Variants in ATG5 observed in about 807,000 individuals in gnomAD.
ATG5 encodes the protein autophagy related 5, also known as autophagy protein 5.
In ATG5, 14 loss-of-function variants were observed where a neutral mutation model predicts 36.5. That is an observed-to-expected ratio of 0.38 (90% CI 0.25 to 0.60). ATG5 has a LOEUF of 0.60. Among genes scored for constraint, ATG5 ranks in the 20% least tolerant of loss-of-function variants. ATG5 has a pLI of 0.60. For missense variants in ATG5, 195 were observed against 326.7 expected (o/e 0.60, Z 3.11); for synonymous variants, 95 against 101.5 (o/e 0.94, Z 0.38).
At chr6:106,284,121 A>G (rs1258068101) in intron 4 of ATG5, among the ~76,000 whole-genome samples, 1 of 152,206 alleles carries the variant, frequency 6.6e-6, no homozygotes, top group Admixed American at 6.5e-5. Context: ...ACATTCATGT[A>G]TAAGCTTTTG....
At chr6:106,246,377 C>G (rs879700314) in intron 6 of ATG5, among the ~76,000 whole-genome samples, 29 of 90,204 alleles carry the variant, frequency 3.2e-4, no homozygotes, top group South Asian at 7.3e-4. Flanking sequence ...CTCTGTCTCT[C>G]TCTCTCTCTC....
At chr6:106,189,646 T>TAAAA (rs10688186) in intron 7 of ATG5, among the ~76,000 whole-genome samples, 4 of 143,362 alleles carry the variant, frequency 2.8e-5, no homozygotes, top group Admixed American at 6.9e-5. Flanking sequence ...AATAAAACAG[T>TAAAA]AAAAAAAAAA....
intron 6 of ATG5, among the ~76,000 whole-genome samples, chr6:106,212,411 C>T (rs190685050): frequency 6.6e-6 from 1 of 152,162 alleles, no homozygotes; most frequent in South Asian, 2.1e-4. Context: ...GAGGCCAAGG[C>T]GGGCGGATCA....
At chr6:106,200,845 C>T (rs2114352331) in intron 7 of ATG5, among the ~76,000 whole-genome samples, 1 of 152,068 alleles carries the variant, frequency 6.6e-6, no homozygotes, top group East Asian at 1.9e-4. Context: ...GTTTAGTAAG[C>T]ATTAATAGGG....
intron 5 of ATG5, among the ~76,000 whole-genome samples, chr6:106,269,877 C>A (rs1290587638): frequency 1.3e-5 from 2 of 152,244 alleles, no homozygotes; most frequent in South Asian, 2.1e-4. Flanking sequence ...GGCTGAAGGG[C>A]TCAAGTGCCC....
intron 4 of ATG5, among the ~76,000 whole-genome samples, chr6:106,281,023 C>T (rs1321212595): frequency 6.6e-6 from 1 of 152,072 alleles, no homozygotes; most frequent in East Asian, 1.9e-4. Context: ...ATAGCCTACT[C>T]CGGTTACTGT....
At chr6:106,221,191 TCA>T in intron 6 of ATG5, among the ~76,000 whole-genome samples, 1 of 152,330 alleles carries the variant, frequency 6.6e-6, no homozygotes, top group African/African-American at 2.4e-5. Context: ...AATTCTAACA[TCA>T]ACTGTAATCT....
chr6:106,266,867 T>A (rs545357236), intron 5 of ATG5, among the ~76,000 whole-genome samples: 2 of 152,300 alleles, frequency 1.3e-5, no homozygotes, highest in East Asian at 3.9e-4. Context: ...TAGTAAGAGC[T>A]ATTTATGACA....
At chr6:106,290,951 A>C (rs537228941) in intron 4 of ATG5, among the ~76,000 whole-genome samples, 70 of 152,388 alleles carry the variant, frequency 4.6e-4, no homozygotes, top group Admixed American at 4.0e-3. Context: ...TTTACCACTG[A>C]CAACAAATAC....
At chr6:106,235,337 T>A (rs1250815605) in intron 6 of ATG5, among the ~76,000 whole-genome samples, 1 of 152,120 alleles carries the variant, frequency 6.6e-6, no homozygotes, top group Non-Finnish European at 1.5e-5. Flanking sequence ...TAGCCCATGC[T>A]CCAATTGTAA....
chr6:106,291,945 A>T (rs1180138735), intron 4 of ATG5, among the ~76,000 whole-genome samples: 2 of 152,252 alleles, frequency 1.3e-5, no homozygotes, highest in Non-Finnish European at 2.9e-5. Flanking sequence ...CCACAAACTC[A>T]AATTCAGTAA....
At chr6:106,235,776 GC>G in intron 6 of ATG5, among the ~76,000 whole-genome samples, 1 of 151,514 alleles carries the variant, frequency 6.6e-6, no homozygotes, top group Admixed American at 6.6e-5. Context: ...TTGTATGGGA[GC>G]TCTCTCTGTC....
chr6:106,300,858 A>G (rs1233447872), intron 3 of ATG5, among the ~76,000 whole-genome samples: 2 of 152,026 alleles, frequency 1.3e-5, no homozygotes, highest in Non-Finnish European at 2.9e-5. Flanking sequence ...AGTAATTTCA[A>G]CTTCTTCCTT....
At chr6:106,305,316 C>T (rs1482610177) in intron 3 of ATG5, among the ~76,000 whole-genome samples, 1 of 152,108 alleles carries the variant, frequency 6.6e-6, no homozygotes, top group African/African-American at 2.4e-5. Context: ...TAAAACCAAG[C>T]ATTTGTTTAA....
intron 1 of ATG5, among the ~76,000 whole-genome samples, chr6:106,319,963 T>C (rs1184498055): frequency 2.0e-5 from 3 of 152,250 alleles, no homozygotes; most frequent in African/African-American, 7.2e-5. Flanking sequence ...CAGTAGATTA[T>C]ATACTACTTT....
At chr6:106,251,646 AGGGAGGGAGGGAGGAAGGGAGG>A (rs1778582033) in intron 5 of ATG5, among the ~76,000 whole-genome samples, 1 of 45,100 alleles carries the variant, frequency 2.2e-5, no homozygotes, top group Non-Finnish European at 4.5e-5. Flanking sequence ...AGAGAGAGAG[AGGGAGGGAGGGAGGAAGGGAGG>A]GGGAGGGGGA....
chr6:106,297,765 C>CACACAT (rs752893372), intron 3 of ATG5, among the ~76,000 whole-genome samples: 28 of 108,042 alleles, frequency 2.6e-4, no homozygotes, highest in Non-Finnish European at 3.9e-4. Context: ...CACACACACA[C>CACACAT]ATATATATTT....
intron 5 of ATG5, among the ~76,000 whole-genome samples, chr6:106,257,790 A>G (rs1051163376): frequency 6.6e-6 from 1 of 152,216 alleles, no homozygotes; most frequent in Non-Finnish European, 1.5e-5. Flanking sequence ...ATACCTCTAT[A>G]AAGAAGTTCC....
At chr6:106,221,322 T>A (rs73775393) in intron 6 of ATG5, among the ~76,000 whole-genome samples, 1 of 152,292 alleles carries the variant, frequency 6.6e-6, no homozygotes, top group Non-Finnish European at 1.5e-5. Context: ...TAATTAGCTA[T>A]AGAACAGCTC....
Sources: gnomAD v4.1 joint callset for allele counts (sites outside exome capture counted in the v4.1 genomes callset) on GRCh38, gnomAD v4.1.1 for gene constraint, MANE v1.5 for transcripts, NCBI Gene and HGNC (gene_info 2026-07-23, HGNC 2026-07-21) for gene names.